Variants in HSP90AA1 observed in about 807,000 individuals in gnomAD.
HSP90AA1 encodes the protein heat shock protein HSP 90-alpha.
In HSP90AA1, 18 loss-of-function variants were observed where a neutral mutation model predicts 73.3. The observed-to-expected ratio is 0.25, with a 90% CI of 0.17 to 0.36. HSP90AA1 has a LOEUF of 0.36. Among genes scored for constraint, HSP90AA1 ranks in the 10% least tolerant of loss-of-function variants. The probability of loss-of-function intolerance (pLI) is 1.00; values close to 1 mark genes in which losing one functional copy is unlikely to be tolerated. For missense variants in HSP90AA1, 704 were observed against 874.2 expected (o/e 0.81, Z 2.45); for synonymous variants, 477 against 296.9 (o/e 1.61, Z -6.24).
At chr14:102,092,133 C>A (rs1416351376) in intron 2 of HSP90AA1, among the ~76,000 whole-genome samples, 1 of 151,164 alleles carries the variant, frequency 6.6e-6, no homozygotes, top group Non-Finnish European at 1.5e-5. Context: ...GTGTCGCGTG[C>A]TCTTGGCTCA....
intron 1 of HSP90AA1, among the ~76,000 whole-genome samples, chr14:102,137,153 T>G (rs1489520074): frequency 6.6e-6 from 1 of 150,732 alleles, no homozygotes; most frequent in Non-Finnish European, 1.5e-5. Context: ...GGCGGAGAGC[T>G]GAGACTGTGC....
upstream of HSP90AA1, among the ~76,000 whole-genome samples, chr14:102,087,501 G>A (rs569938915): frequency 1.5e-4 from 23 of 152,030 alleles, no homozygotes; most frequent in African/African-American, 5.1e-4. Flanking sequence ...CTGGAGGGAG[G>A]GTCGTGCGTG....
chr14:102,091,127 A>G (rs1314791786), upstream of HSP90AA1, among the ~76,000 whole-genome samples: 4 of 152,022 alleles, frequency 2.6e-5, no homozygotes, highest in South Asian at 4.1e-4. Flanking sequence ...ATGCCCCCTC[A>G]CTTGCTTGCC....
chr14:102,100,671 C>A (rs569598628), intron 2 of HSP90AA1, among the ~76,000 whole-genome samples: 5 of 152,220 alleles, frequency 3.3e-5, no homozygotes, highest in Non-Finnish European at 5.9e-5. Flanking sequence ...GTGATCTGCC[C>A]GCCTGGGCCT....
chr14:102,084,206 G>T, intron 6 of HSP90AA1, 193 bp downstream of exon 6: 1 of 676,080 alleles, frequency 1.5e-6, no homozygotes, highest in Non-Finnish European at 2.6e-6. Flanking sequence ...GCCACTACAT[G>T]GGGCTAATTT....
At chr14:102,083,331 C>T (rs748967110) in intron 8 of HSP90AA1, 29 bp from the exon 9 acceptor site, 1 of 1,612,444 alleles carries the variant, frequency 6.2e-7, no homozygotes, top group East Asian at 2.2e-5. Context: ...ACTTTTAGAC[C>T]TTTTAACAGT....
At chr14:102,084,231 A>C in intron 6 of HSP90AA1, 168 bp downstream of exon 6, 1 of 708,682 alleles carries the variant, frequency 1.4e-6, no homozygotes, top group Non-Finnish European at 2.4e-6. Context: ...AATTTAGTAG[A>C]GATGGGGTTT....
intron 1 of HSP90AA1, among the ~76,000 whole-genome samples, chr14:102,118,973 GC>G (rs1199189347): frequency 6.7e-6 from 1 of 150,164 alleles, no homozygotes; most frequent in Non-Finnish European, 1.5e-5. Flanking sequence ...TCCCACCTCA[GC>G]CCCCCAAGTA....
In HSP90AA1 at chr14:102,081,689, GT is replaced by G; in HGVS notation, c.*22del. The G allele has an allele frequency of 2.1e-6, 2 of 943,768 alleles. No individual in the cohort carries two copies. Among genetic ancestry groups the G allele is most frequent in the South Asian group, 1.3e-5 (1 of 77,792 alleles). The allele number at this position is 943,768 out of a possible 1,614,324, so 58.5% of individuals were successfully genotyped here. ...AGAGGAATTGTAGAGTACTGAACAG[GT>G]AAGTCATCCCTCAGCCAGAGATTAG... On this transcript the variant is annotated 3_prime_UTR_variant, in exon 11 of 11. Transcript: ENST00000216281.
intron 2 of HSP90AA1, among the ~76,000 whole-genome samples, chr14:102,100,528 C>T (rs1345058539): frequency 6.6e-6 from 1 of 151,362 alleles, no homozygotes; most frequent in Non-Finnish European, 1.5e-5. Context: ...CGGGTTCAAG[C>T]GGTTCTCCTG....
chr14:102,125,694 AT>A, intron 1 of HSP90AA1, among the ~76,000 whole-genome samples: 1 of 152,230 alleles, frequency 6.6e-6, no homozygotes, highest in Non-Finnish European at 1.5e-5. Flanking sequence ...ATGCATGAGC[AT>A]ATTTTTAAGT....
rs572151114 is a variant in HSP90AA1, at chr14:102,139,631, A to G, written c.-227T>C. ...GCTGCGGAACGGTCAACTAGACCCC[A>G]CTAGCTGAAGCCGGCATCACCTGGG... is the stretch of plus-strand genomic sequence containing the variant. On this transcript the variant is annotated 5_prime_UTR_variant, in exon 1 of 12. Transcript: ENST00000334701. 1.2e-5 allele frequency: 8 copies of G among 643,228 alleles called. No individual in the cohort carries two copies. The South Asian group carries it at 1.6e-4, about 13-fold the overall frequency. The allele number at this position is 643,228 out of a possible 1,614,324, so 39.8% of individuals were successfully genotyped here.
chr14:102,135,780 C>T (rs2152628179), intron 1 of HSP90AA1, among the ~76,000 whole-genome samples: 1 of 152,364 alleles, frequency 6.6e-6, no homozygotes, highest in African/African-American at 2.4e-5. Context: ...TGCCCGGGGC[C>T]AGCAGGGCTG....
intron 9 of HSP90AA1, chr14:102,082,827 A>C (rs570304562): frequency 6.7e-6 from 4 of 600,814 alleles, no homozygotes; most frequent in South Asian, 5.6e-5. Context: ...TCACCGTGTT[A>C]GCCAGGATGG....
chr14:102,085,504 A>G, intron 3 of HSP90AA1, 73 bp from the exon 4 acceptor site: 1 of 1,429,746 alleles, frequency 7.0e-7, no homozygotes, highest in Non-Finnish European at 9.8e-7. Flanking sequence ...ACACCCTTAT[A>G]ACGTGTCTAT....
chr14:102,092,130 G>A (rs1034668890), intron 2 of HSP90AA1, among the ~76,000 whole-genome samples: 35 of 150,704 alleles, frequency 2.3e-4, no homozygotes, highest in African/African-American at 7.8e-4. Context: ...GCAGTGTCGC[G>A]TGCTCTTGGC....
intron 1 of HSP90AA1, among the ~76,000 whole-genome samples, chr14:102,103,450 G>T (rs553401307): frequency 9.9e-5 from 15 of 152,018 alleles, no homozygotes; most frequent in Non-Finnish European, 2.2e-4. Context: ...CATTTTGGAA[G>T]GCTGAAGCAG....
chr14:102,086,487 A>T, intron 1 of HSP90AA1, 109 bp from the exon 2 acceptor site: 1 of 1,290,394 alleles, frequency 7.7e-7, no homozygotes, highest in Non-Finnish European at 1.1e-6. Context: ...AGATTTGCGA[A>T]GTTTAAGTAA....
At chr14:102,087,844 G>A (rs1255294784), upstream of HSP90AA1, among the ~76,000 whole-genome samples, 1 of 150,246 alleles carries the variant, frequency 6.7e-6, no homozygotes, top group Non-Finnish European at 1.5e-5. Context: ...CACCCGGCAT[G>A]ATTTTGAAAA....
Sources: gnomAD v4.1 joint callset for allele counts (sites outside exome capture counted in the v4.1 genomes callset) on GRCh38, gnomAD v4.1.1 for gene constraint, MANE v1.5 for transcripts, NCBI Gene and HGNC (gene_info 2026-07-23, HGNC 2026-07-21) for gene names.